Variants in CARM1 observed in about 807,000 individuals in gnomAD.
CARM1 encodes histone-arginine methyltransferase CARM1.
A neutral mutation model predicts 72.7 loss-of-function variants in CARM1; 14 were observed. The ratio of observed to expected loss-of-function variants is 0.19; its 90% CI spans 0.13 to 0.30. The LOEUF (loss-of-function observed/expected upper bound fraction) is 0.30, where lower values mean the gene tolerates loss of function less well. CARM1 is among the 10% of genes least tolerant of loss of function. The pLI is 1.00. For missense variants in CARM1, 432 were observed against 833.7 expected (o/e 0.52, Z 5.93); for synonymous variants, 333 against 345.5 (o/e 0.96, Z 0.40).
chr19:10,885,813 C>T (rs924049678), intron 1 of CARM1, among the ~76,000 whole-genome samples: 2 of 152,004 alleles, frequency 1.3e-5, no homozygotes, highest in Admixed American at 1.3e-4. Flanking sequence ...GCTCTTACTC[C>T]CGCTCACACA....
At position 10,916,813 on chromosome 19, in the gene CARM1, A is replaced by G; in HGVS notation, c.1020+36A>G. 6.9e-7 allele frequency: 1 copy of G among 1,446,628 alleles called. No homozygotes were observed. Among genetic ancestry groups the G allele is most frequent in the African/African-American group, 1.4e-5 (1 of 71,210 alleles). The allele number at this position is 1,446,628 out of a possible 1,614,324, so 89.6% of individuals were successfully genotyped here. On this transcript the variant is annotated intron_variant, in intron 8 of 15. Coordinates refer to ENST00000327064, the MANE Select transcript of CARM1 (RefSeq NM_199141.2). The surrounding 1 kb of genome is among the most constrained non-coding windows in gnomAD (Gnocchi z 4.4). ...CCTCCAGGGTACTGCTGCAGTGATC[A>G]CTTGCCATTGCTGTGCAGCTGTGCA... is the stretch of plus-strand genomic sequence containing the variant.
At chr19:10,882,276 G>C (rs185376833) in intron 1 of CARM1, among the ~76,000 whole-genome samples, 1 of 152,200 alleles carries the variant, frequency 6.6e-6, no homozygotes, top group South Asian at 2.1e-4. Context: ...CATGCAGTGG[G>C]GGGGATGGGG....
chr19:10,877,853 G>A (rs1174285314), intron 1 of CARM1, among the ~76,000 whole-genome samples: 8 of 152,100 alleles, frequency 5.3e-5, no homozygotes, highest in Non-Finnish European at 1.0e-4. Flanking sequence ...TCAGCCTCCC[G>A]AGTAGCTGGG....
chr19:10,908,671 G>A, intron 3 of CARM1: 1 of 186,516 alleles, frequency 5.4e-6, no homozygotes, highest in Non-Finnish European at 1.1e-5. Context: ...CTGCCCAGGT[G>A]CCACGCTGCC....
intron 1 of CARM1, among the ~76,000 whole-genome samples, chr19:10,883,511 C>T (rs1405363604): frequency 6.6e-6 from 1 of 152,214 alleles, no homozygotes; most frequent in Non-Finnish European, 1.5e-5. Context: ...CCCTCAGCAG[C>T]CTCCAGATCT....
chr19:10,912,189 T>C lies in CARM1; in HGVS notation c.564T>C (p.Val188=), dbSNP rs780472609. Residue 188 remains valine, a synonymous_variant, in exon 5 of 16, where the codon GTT becomes GTC. Coordinates refer to ENST00000327064, the MANE Select transcript of CARM1 (RefSeq NM_199141.2). This position sits in a 1 kb window ranked among gnomAD's most constrained non-coding sequence, Gnocchi z 4.5. The part of the protein sequence containing the change: ...QNHTDFKDKI[V]LDVGCGSGIL... The stretch of plus-strand genomic sequence containing the variant: ...ACCTCCCACTCCTCCCTCAGATCGT[T>C]CTTGATGTTGGCTGTGGCTCTGGGA... 6.2e-7 allele frequency: 1 copy of C among 1,613,934 alleles called. No homozygotes were observed. Among genetic ancestry groups the C allele is most frequent in the Non-Finnish European group, 8.5e-7 (1 of 1,179,820 alleles).
intron 3 of CARM1, 86 bp from the exon 4 acceptor site, chr19:10,909,017 C>A: frequency 2.0e-6 from 2 of 981,840 alleles, no homozygotes; most frequent in Non-Finnish European, 1.6e-6. Flanking sequence ...CCCTAGATGG[C>A]CCCTTGCTCT....
At chr19:10,897,901 C>G (rs976323143) in intron 1 of CARM1, among the ~76,000 whole-genome samples, 4 of 151,772 alleles carry the variant, frequency 2.6e-5, no homozygotes, top group East Asian at 1.9e-4. Context: ...GTCAGGAGAT[C>G]GAGACCATCC....
chr19:10,921,791 C>T lies in CARM1; in HGVS notation c.*34C>T, dbSNP rs1481034902. 1 of 1,554,546 alleles carries T rather than the reference C, an allele frequency of 6.4e-7. No individual in the cohort carries two copies. Among genetic ancestry groups the T allele is most frequent in the African/African-American group, 1.4e-5 (1 of 73,160 alleles). On this transcript the variant is annotated 3_prime_UTR_variant, in exon 16 of 16. Transcript: ENST00000327064. ...CCCGCGGACTGACAGCACCAGGAAA[C>T]CAAATGATGTCCCTGCCCGCCGCCC...
Position 10,920,405 on chromosome 19 carries a change from A to T in CARM1, c.1197-31A>T. On this transcript the variant is annotated intron_variant, in intron 10 of 15. Transcript: ENST00000327064. The surrounding 1 kb of genome is among the most constrained non-coding windows in gnomAD (Gnocchi z 5.3). ...GTGGCTCCAGTGGTGGCGCCGGCCC[A>T]GTCAAGTATGTGCCTGTCCCTGCTC... 1.3e-6 allele frequency: 2 copies of T among 1,595,408 alleles called. No individual in the cohort carries two copies. The highest frequency in any genetic ancestry group is 1.7e-6 in the Non-Finnish European group (2 of 1,165,990).
At chr19:10,887,233 C>T (rs533378089) in intron 1 of CARM1, among the ~76,000 whole-genome samples, 3 of 152,246 alleles carry the variant, frequency 2.0e-5, no homozygotes, top group African/African-American at 4.8e-5. Flanking sequence ...CTGCCCAAGG[C>T]TTACCCCTGC....
intron 1 of CARM1, among the ~76,000 whole-genome samples, chr19:10,878,140 C>T (rs985924347): frequency 3.3e-5 from 5 of 152,118 alleles, no homozygotes; most frequent in Middle Eastern, 3.2e-3. Context: ...CCGCTGGGCC[C>T]GGTGTGGCCT....
chr19:10,895,899 G>A (rs2074020496), intron 1 of CARM1, among the ~76,000 whole-genome samples: 1 of 152,178 alleles, frequency 6.6e-6, no homozygotes, highest in East Asian at 1.9e-4. Flanking sequence ...AGGAAGCAGG[G>A]GAAGAGGGGA....
chr19:10,916,289 G>A lies in CARM1; in HGVS notation c.848-118G>A, dbSNP rs2074196475. The A allele has an allele frequency of 1.5e-6, 1 of 681,992 alleles. No individual in the cohort carries two copies. Among genetic ancestry groups the A allele is most frequent in the Admixed American group, 2.2e-5 (1 of 45,866 alleles). The allele number at this position is 681,992 out of a possible 1,614,324, so 42.2% of individuals were successfully genotyped here. ...GCCACTGTCACAGGAGTGCAGGAAC[G>A]AATGGATGACAGGCTGGGAGCACCC... On this transcript the variant is annotated intron_variant, in intron 6 of 15. Transcript: ENST00000327064. This position sits in a 1 kb window ranked among gnomAD's most constrained non-coding sequence, Gnocchi z 4.4.
Position 10,919,509 on chromosome 19 carries a change from G to C in CARM1, c.1021-86G>C. 1.6e-5 allele frequency: 16 copies of C among 970,068 alleles called. No homozygotes were observed. In the South Asian group the frequency reaches 2.3e-4, roughly 14 times the overall value. 60.1% of individuals were successfully genotyped at this position (970,068 alleles called of 1,614,324 possible). A position where few individuals can be genotyped will look rare whatever the true frequency, so the allele number is the denominator to read the frequency against. Reference sequence around the variant, plus strand: ...TTAGCTGCACAGCCTAGAAGCCGTGGGCAGACCTGGGGGAAGGGGCAGGGC... The same window carrying C: ...TTAGCTGCACAGCCTAGAAGCCGTGCGCAGACCTGGGGGAAGGGGCAGGGC... On this transcript the variant is annotated intron_variant, in intron 8 of 15. Transcript: ENST00000327064.
chr19:10,913,254 A>G (rs2074168293), intron 5 of CARM1, among the ~76,000 whole-genome samples: 1 of 152,004 alleles, frequency 6.6e-6, no homozygotes, highest in Non-Finnish European at 1.5e-5. Context: ...CACCACTGCA[A>G]CTGGCTAATT....
intron 2 of CARM1, among the ~76,000 whole-genome samples, chr19:10,905,678 T>C (rs1160433078): frequency 2.6e-5 from 4 of 152,110 alleles, no homozygotes; most frequent in Non-Finnish European, 5.9e-5. Flanking sequence ...CGAGGACAGC[T>C]GGAGGTGGAG....
At chr19:10,900,134 C>T (rs983607750) in intron 1 of CARM1, among the ~76,000 whole-genome samples, 27 of 151,770 alleles carry the variant, frequency 1.8e-4, no homozygotes, top group Admixed American at 2.6e-4. Flanking sequence ...CATAGTGAGA[C>T]CCTCATTTCT....
chr19:10,890,838 C>A (rs1299170439), intron 1 of CARM1, among the ~76,000 whole-genome samples: 7 of 114,866 alleles, frequency 6.1e-5, no homozygotes, highest in Non-Finnish European at 1.1e-4. Flanking sequence ...TAGCTCTATC[C>A]TTCCTGAAGT....
Sources: gnomAD v4.1 joint callset for allele counts (sites outside exome capture counted in the v4.1 genomes callset) on GRCh38, gnomAD v4.1.1 for gene constraint, Gnocchi (gnomAD v3.1) non-coding constraint, MANE v1.5 for transcripts, NCBI Gene and HGNC (gene_info 2026-07-23, HGNC 2026-07-21) for gene names.